Variants in CRIM1 observed in about 807,000 individuals in gnomAD.
The protein encoded by CRIM1 is cysteine-rich motor neuron 1 protein.
Under a neutral mutation model 116.4 loss-of-function variants are expected in CRIM1, and 32 were observed. That is an observed-to-expected ratio of 0.27 (90% confidence interval 0.21 to 0.37). The LOEUF is 0.37. Ranked by LOEUF, CRIM1 falls within the 10% of genes least tolerant of loss-of-function variation. The pLI, the probability that CRIM1 is intolerant of heterozygous loss-of-function variation, is 1.00. For synonymous variants in CRIM1, 590 were observed against 509.2 expected, an observed-to-expected ratio of 1.16 and a Z score of -2.13; for missense variants, 1,331 against 1,354.8, an observed-to-expected ratio of 0.98 and a Z score of 0.28.
chr2:36,388,467 A>T (rs547242937), intron 1 of CRIM1, among the ~76,000 whole-genome samples: 1 of 152,218 alleles, frequency 6.6e-6, no homozygotes, highest in Non-Finnish European at 1.5e-5. Flanking sequence ...TTCAATAAAG[A>T]TGCTAGAATC....
chr2:36,430,743 C>T (rs1396935580), intron 2 of CRIM1, among the ~76,000 whole-genome samples: 2 of 152,202 alleles, frequency 1.3e-5, no homozygotes, highest in East Asian at 3.9e-4. Context: ...GCATGCCCAC[C>T]TCTGGGAGGG....
chr2:36,428,429 T>G (rs1316699804), intron 2 of CRIM1, among the ~76,000 whole-genome samples: 3 of 152,260 alleles, frequency 2.0e-5, no homozygotes, highest in Non-Finnish European at 4.4e-5. Context: ...TTCAAATCTC[T>G]AATTCATCTT....
Position 36,499,321 on chromosome 2 carries a change from G to T in CRIM1, c.1475G>T (p.Gly492Val). The part of the protein sequence containing the change: ...CINGFKRDHN[G>V]CRTCQCINTE... ...AATGGTTTCAAACGCGATCACAATG[G>T]TTGTCGGACCTGTCAGTGCATAAAC... Residue 492 changes from glycine (G) to valine (V), a missense_variant, in exon 8 of 17, where the codon GGT becomes GTT. Coordinates refer to ENST00000280527, the MANE Select transcript of CRIM1 (RefSeq NM_016441.3). The T allele has an allele frequency of 6.2e-7, 1 of 1,614,126 alleles. No individual in the cohort carries two copies. The highest frequency in any genetic ancestry group is 8.5e-7 in the Non-Finnish European group (1 of 1,179,998).
intron 2 of CRIM1, among the ~76,000 whole-genome samples, chr2:36,425,238 T>C (rs1332085268): frequency 6.6e-6 from 1 of 152,218 alleles, no homozygotes; most frequent in Admixed American, 6.5e-5. Context: ...TTCTGAGTAA[T>C]ATAAGGATAA....
intron 2 of CRIM1, among the ~76,000 whole-genome samples, chr2:36,404,039 A>G (rs894903890): frequency 2.6e-5 from 4 of 152,160 alleles, no homozygotes; most frequent in African/African-American, 9.7e-5. Context: ...AATGGAGGAA[A>G]AAAGTGACTG....
intron 2 of CRIM1, among the ~76,000 whole-genome samples, chr2:36,401,222 A>G (rs532372988): frequency 1.3e-5 from 2 of 152,314 alleles, no homozygotes; most frequent in Admixed American, 6.5e-5. Flanking sequence ...TTGGTCCTCA[A>G]TTTTACTCAG....
intron 2 of CRIM1, among the ~76,000 whole-genome samples, chr2:36,400,315 T>A (rs1319132908): frequency 6.6e-6 from 1 of 151,758 alleles, no homozygotes; most frequent in African/African-American, 2.4e-5. Context: ...GAAATTACTA[T>A]GGATGATGTA....
At chr2:36,421,025 T>C (rs1674019921) in intron 2 of CRIM1, among the ~76,000 whole-genome samples, 1 of 152,226 alleles carries the variant, frequency 6.6e-6, no homozygotes. Flanking sequence ...GTGATCAGCT[T>C]AGAGGAAATT....
chr2:36,382,818 A>G (rs924438370), intron 1 of CRIM1, among the ~76,000 whole-genome samples: 2 of 152,254 alleles, frequency 1.3e-5, no homozygotes, highest in South Asian at 4.1e-4. Context: ...GCACATACAC[A>G]TAAGTTAAAA....
rs145974176 is a variant in CRIM1, at chr2:36,508,305, A to G, written c.1502-1678A>G. Among the ~76,000 whole-genome samples the G allele has an allele frequency of 2.5e-3, 387 of 152,356 alleles. 2 individuals are homozygous for G. The highest frequency in any genetic ancestry group is 8.9e-3 in the African/African-American group (372 of 41,582). ...CTTCTTAAAAGATAGCAAATTAAATATGCAAATATTGCCAACTGAGATTCA... is the reference window on the plus strand; with the variant it reads ...CTTCTTAAAAGATAGCAAATTAAATGTGCAAATATTGCCAACTGAGATTCA... On this transcript the variant is annotated intron_variant, in intron 8 of 16. Coordinates refer to ENST00000280527, the MANE Select transcript of CRIM1 (RefSeq NM_016441.3).
At chr2:36,393,626 G>C (rs77413191) in intron 1 of CRIM1, among the ~76,000 whole-genome samples, 2,121 of 152,298 alleles carry the variant, frequency 0.014, 46 homozygotes, top group African/African-American at 0.048. Flanking sequence ...CGGGAGCATA[G>C]AGGATGGAGC....
In CRIM1 at chr2:36,512,297, C is replaced by G; in HGVS notation, c.1683C>G (p.Ile561Met). ...GLLKNKHGCD[I>M]CRCKKCPELS... ...GGAAGAATAAGCACGGCTGTGACAT[C>G]TGTCGCTGTAAGAAATGTCCAGAGC... The change falls in exon 10 of 17, where the codon ATC becomes ATG. Residue 561 changes from isoleucine (I) to methionine (M), a missense_variant. By Grantham distance (10) the Ile-to-Met change is conservative (BLOSUM62 1). Around this residue, in one of 3 missense-constraint regions of CRIM1, gnomAD observed 358 missense variants for 436.1 expected, o/e 0.82. Transcript: ENST00000280527. The G allele has an allele frequency of 1.2e-6, 2 of 1,613,640 alleles. No homozygotes were observed. The highest frequency in any genetic ancestry group is 2.2e-5 in the South Asian group (2 of 91,064).
intron 1 of CRIM1, among the ~76,000 whole-genome samples, chr2:36,376,891 T>C (rs1670361766): frequency 6.6e-6 from 1 of 152,148 alleles, no homozygotes; most frequent in Non-Finnish European, 1.5e-5. Context: ...ATTTGGGGGA[T>C]GGAGTTGTGG....
chr2:36,529,192 T>A (rs973944990), intron 13 of CRIM1: 2 of 471,154 alleles, frequency 4.2e-6, no homozygotes, highest in African/African-American at 4.0e-5. Flanking sequence ...TGGTCAAGGA[T>A]ATGGGGGAAG....
chr2:36,395,077 T>C (rs12994926), intron 1 of CRIM1, among the ~76,000 whole-genome samples: 109,667 of 148,882 alleles, frequency 0.74, 41,388 homozygotes, highest in East Asian at 0.99. Context: ...TGCAGTGGCA[T>C]GATCTTGGCT....
rs148079480 is a variant in CRIM1 at position 36,375,115 on chromosome 2, T to C, written c.331+18492T>C. On this transcript the variant is annotated intron_variant, in intron 1 of 16. Transcript: ENST00000280527. Reference sequence around the variant, plus strand: ...AACTTCAAAATGAATTTGCAACTTGTATGCTTTGCATATGCCGTATGCTTT... The same window carrying C: ...AACTTCAAAATGAATTTGCAACTTGCATGCTTTGCATATGCCGTATGCTTT... Among the ~76,000 whole-genome samples, 1,070 of 152,198 alleles carry C rather than the reference T, an allele frequency of 7.0e-3. 5 individuals carry two copies. The highest frequency in any genetic ancestry group is 0.014 in the Middle Eastern group (4 of 294).
At chr2:36,545,659 G>C (rs1399063135) in intron 15 of CRIM1, among the ~76,000 whole-genome samples, 1 of 152,094 alleles carries the variant, frequency 6.6e-6, no homozygotes, top group African/African-American at 2.4e-5. Context: ...AGCTAACTTT[G>C]ATGGCTTGGT....
At chr2:36,471,864 C>T (rs1440240792) in intron 5 of CRIM1, among the ~76,000 whole-genome samples, 2 of 152,118 alleles carry the variant, frequency 1.3e-5, no homozygotes, top group Non-Finnish European at 2.9e-5. Flanking sequence ...ACAGTGTAAA[C>T]ATAACTTTTA....
At chr2:36,467,643 G>C (rs1332816661) in intron 5 of CRIM1, among the ~76,000 whole-genome samples, 1 of 152,176 alleles carries the variant, frequency 6.6e-6, no homozygotes, top group African/African-American at 2.4e-5. Flanking sequence ...TATGAGAAAG[G>C]AGACTCACAG....
Sources: allele counts gnomAD v4.1 joint callset (sites outside exome capture counted in the v4.1 genomes callset), GRCh38; gene constraint gnomAD v4.1.1; regional missense constraint gnomAD v4.1.1; transcripts MANE v1.5; gene names NCBI Gene and HGNC (gene_info 2026-07-23, HGNC 2026-07-21).